ASXL3: variants seen among roughly 807,000 people sequenced by gnomAD.
ASXL3 encodes putative Polycomb group protein ASXL3.
In ASXL3, 34 loss-of-function variants were observed where a neutral mutation model predicts 170.6. That is an observed-to-expected ratio of 0.20 (90% confidence interval 0.15 to 0.27). The LOEUF (loss-of-function observed/expected upper bound fraction) is 0.27. Among genes scored for constraint, ASXL3 ranks in the 10% least tolerant of loss-of-function variants. The pLI is 1.00. For missense variants in ASXL3, 2,592 were observed against 2,695.3 expected (o/e 0.96, Z 0.85); for synonymous variants, 1,002 against 989.1 (o/e 1.01, Z -0.24).
chr18:33,666,891 G>A (rs989204716), intron 5 of ASXL3, among the ~76,000 whole-genome samples: 6 of 152,156 alleles, frequency 3.9e-5, no homozygotes, highest in Admixed American at 2.0e-4. Flanking sequence ...TAGGCTACAC[G>A]TCGTACAGTG....
intron 8 of ASXL3, among the ~76,000 whole-genome samples, chr18:33,710,504 C>T (rs1418098139): frequency 6.6e-6 from 1 of 152,184 alleles, no homozygotes; most frequent in Non-Finnish European, 1.5e-5. Flanking sequence ...TAAAGGAATG[C>T]TTTCTGAACT....
chr18:33,723,828 T>C (rs1047127263), intron 8 of ASXL3, among the ~76,000 whole-genome samples: 1 of 152,126 alleles, frequency 6.6e-6, no homozygotes, highest in Admixed American at 6.6e-5. Context: ...TAAGCAATTA[T>C]CATAGCCATT....
chr18:33,665,195 T>C (rs1296001248), intron 5 of ASXL3, among the ~76,000 whole-genome samples: 9 of 152,208 alleles, frequency 5.9e-5, no homozygotes, highest in African/African-American at 2.2e-4. Context: ...GACATGGTAG[T>C]GAACATAACC....
At chr18:33,682,210 A>G (rs2066525818) in intron 7 of ASXL3, among the ~76,000 whole-genome samples, 2 of 152,366 alleles carry the variant, frequency 1.3e-5, no homozygotes, top group South Asian at 4.1e-4. Flanking sequence ...CATATAAACA[A>G]TTGGACATGA....
At chr18:33,686,432 C>T (rs2066598886) in intron 8 of ASXL3, among the ~76,000 whole-genome samples, 1 of 152,124 alleles carries the variant, frequency 6.6e-6, no homozygotes, top group Non-Finnish European at 1.5e-5. Context: ...TGAAGAAAGT[C>T]TTTTGAAGAT....
chr18:33,740,850 GCTCT>G (rs138604093), intron 11 of ASXL3, among the ~76,000 whole-genome samples: 2,592 of 152,228 alleles, frequency 0.017, 75 homozygotes, highest in African/African-American at 0.059. Flanking sequence ...CTAAGTTTCT[GCTCT>G]CTGTCACTTA....
chr18:33,650,446 G>A (rs1311911120), intron 4 of ASXL3, among the ~76,000 whole-genome samples: 2 of 152,058 alleles, frequency 1.3e-5, no homozygotes, highest in East Asian at 3.9e-4. Context: ...AGGAACCAGT[G>A]TCCTAGCTGG....
intron 10 of ASXL3, among the ~76,000 whole-genome samples, chr18:33,735,701 A>G: frequency 6.6e-6 from 1 of 152,192 alleles, no homozygotes; most frequent in East Asian, 1.9e-4. Flanking sequence ...ATGAAAGAAA[A>G]TGCGGGGAGC....
At chr18:33,623,529 A>C (rs940191995) in intron 2 of ASXL3, among the ~76,000 whole-genome samples, 1 of 152,156 alleles carries the variant, frequency 6.6e-6, no homozygotes, top group Non-Finnish European at 1.5e-5. Context: ...ATTTGCAAAA[A>C]CTTGAAAAAT....
intron 2 of ASXL3, among the ~76,000 whole-genome samples, chr18:33,644,352 A>C (rs2065887621): frequency 6.6e-6 from 1 of 152,006 alleles, no homozygotes; most frequent in Non-Finnish European, 1.5e-5. Context: ...TTGCCATGTG[A>C]GAAATGCAGT....
At chr18:33,690,273 T>C (rs935449614) in intron 8 of ASXL3, 4 of 152,220 alleles carry the variant, frequency 2.6e-5, no homozygotes, top group African/African-American at 9.6e-5. Flanking sequence ...CAAGAAGCCA[T>C]GGTTCCCATT....
Position 33,746,693 on chromosome 18 carries a change from A to G in ASXL3, c.*98A>G. ...TAATGCAGTGGTTTCTATCATGCTA[A>G]TTTATTTTGCTTTGGAGCAGGTACC... On this transcript the variant is annotated 3_prime_UTR_variant, in exon 12 of 12. Transcript: ENST00000269197. 4 of 1,470,894 alleles carry G rather than the reference A, an allele frequency of 2.7e-6. No individual in the cohort carries two copies. Among genetic ancestry groups the G allele is most frequent in the Non-Finnish European group, 3.6e-6 (4 of 1,117,678 alleles). 91.1% of individuals were successfully genotyped at this position (1,470,894 alleles called of 1,614,324 possible).
intron 8 of ASXL3, among the ~76,000 whole-genome samples, chr18:33,729,173 T>C (rs1423579386): frequency 2.0e-5 from 3 of 152,002 alleles, no homozygotes; most frequent in East Asian, 3.9e-4. Context: ...AAGCCAGGGG[T>C]TAAATAGGGT....
intron 4 of ASXL3, among the ~76,000 whole-genome samples, chr18:33,660,898 A>G (rs1568311010): frequency 6.6e-6 from 1 of 152,158 alleles, no homozygotes; most frequent in Non-Finnish European, 1.5e-5. Context: ...TGTGGGCTCT[A>G]CTTGGTCACC....
intron 4 of ASXL3, among the ~76,000 whole-genome samples, chr18:33,658,907 C>T (rs912486397): frequency 1.3e-5 from 2 of 152,060 alleles, no homozygotes; most frequent in South Asian, 2.1e-4. Flanking sequence ...TTGTCCTGCC[C>T]TCCCTCTGAA....
Position 33,743,026 on chromosome 18 carries a change from C to A in ASXL3, c.3178C>A (p.Arg1060=). The A allele has an allele frequency of 6.2e-7, 1 of 1,613,890 alleles. No homozygotes were observed. The change falls in exon 12 of 12, where the codon CGG becomes AGG. Residue 1060 remains arginine, a synonymous_variant. Coordinates refer to ENST00000269197, the MANE Select transcript of ASXL3 (RefSeq NM_030632.3). ...CAGGACCCTCGCAGATATCAAGGCCCGGGCCCAACAAGCTCGGGCCCAGCG... is the reference window on the plus strand; with the variant it reads ...CAGGACCCTCGCAGATATCAAGGCCAGGGCCCAACAAGCTCGGGCCCAGCG... ...GARTLADIKA[R]AQQARAQREA... is the part of the protein sequence containing the mutation.
chr18:33,656,843 T>C (rs1006640115), intron 4 of ASXL3, among the ~76,000 whole-genome samples: 3 of 152,114 alleles, frequency 2.0e-5, no homozygotes, highest in Admixed American at 2.0e-4. Context: ...TACATACTTT[T>C]TCATAAAAAA....
chr18:33,695,441 G>A (rs774806082), intron 8 of ASXL3, among the ~76,000 whole-genome samples: 1 of 152,066 alleles, frequency 6.6e-6, no homozygotes. Flanking sequence ...GGGCTTTATG[G>A]TGGGTATGGA....
chr18:33,696,643 TGGA>T (rs2066777472), intron 8 of ASXL3, among the ~76,000 whole-genome samples: 1 of 151,974 alleles, frequency 6.6e-6, no homozygotes, highest in African/African-American at 2.4e-5. Context: ...TGAGGGGGGC[TGGA>T]GGCAAGGGTG....
Sources: allele counts gnomAD v4.1 joint callset (sites outside exome capture counted in the v4.1 genomes callset), GRCh38; gene constraint gnomAD v4.1.1; transcripts MANE v1.5; gene names NCBI Gene and HGNC (gene_info 2026-07-23, HGNC 2026-07-21).